The following USP32 variants were observed in gnomAD, a reference collection of about 807,000 sequenced individuals.
USP32 encodes the protein ubiquitin specific peptidase 32.
USP32 carries 59 observed loss-of-function variants against 204.8 expected under a neutral mutation model. The observed-to-expected ratio is 0.29, with a 90% CI of 0.23 to 0.36. The LOEUF is 0.36. Ranked by LOEUF, USP32 falls within the 10% of genes least tolerant of loss-of-function variation. The pLI is 1.00. For missense variants in USP32, 1,160 were observed against 1,946.4 expected (o/e 0.60, Z 7.60); for synonymous variants, 517 against 678.4 (o/e 0.76, Z 3.70).
intron 27 of USP32, among the ~76,000 whole-genome samples, chr17:60,194,882 C>A (rs1192343186): frequency 3.9e-5 from 6 of 152,198 alleles, no homozygotes; most frequent in Non-Finnish European, 8.8e-5. Context: ...GCCTCTTTAC[C>A]CACTGTCCCT....
At chr17:60,271,947 G>A (rs538695388) in intron 5 of USP32, among the ~76,000 whole-genome samples, 10 of 151,866 alleles carry the variant, frequency 6.6e-5, no homozygotes, top group Non-Finnish European at 1.3e-4. Context: ...AAGTAGCTAG[G>A]ACTACATGTG....
At chr17:60,194,389 T>C (rs1182400231) in intron 27 of USP32, among the ~76,000 whole-genome samples, 4 of 152,180 alleles carry the variant, frequency 2.6e-5, no homozygotes, top group Admixed American at 6.5e-5. Flanking sequence ...GGAGGTAAAA[T>C]AGATCTCTTC....
chr17:60,381,053 T>C (rs2089638450), intron 1 of USP32, among the ~76,000 whole-genome samples: 1 of 152,200 alleles, frequency 6.6e-6, no homozygotes, highest in Non-Finnish European at 1.5e-5. Flanking sequence ...GAAAGCACAA[T>C]TTACCAGATT....
intron 2 of USP32, among the ~76,000 whole-genome samples, chr17:60,332,117 G>A: frequency 6.6e-6 from 1 of 151,950 alleles, no homozygotes; most frequent in African/African-American, 2.4e-5. Flanking sequence ...AATTAGCTGG[G>A]CATGGTGGTG....
chr17:60,403,634 T>C (rs932392307), intron 1 of USP32, among the ~76,000 whole-genome samples: 1 of 152,028 alleles, frequency 6.6e-6, no homozygotes, highest in Non-Finnish European at 1.5e-5. Context: ...TTAGTTAGTA[T>C]ACAATGAGTT....
chr17:60,245,347 G>T, intron 11 of USP32: 1 of 381,310 alleles, frequency 2.6e-6, no homozygotes, highest in South Asian at 2.2e-5. Flanking sequence ...CAGCTGGGCT[G>T]CTCTTTCCAC....
chr17:60,399,592 A>G (rs112664641), intron 1 of USP32, among the ~76,000 whole-genome samples: 4,928 of 152,098 alleles, frequency 0.032, 261 homozygotes, highest in African/African-American at 0.11. Context: ...GAGCCCAGGA[A>G]GTGGAGGCTC....
chr17:60,288,801 G>C, intron 4 of USP32, 119 bp from the exon 5 acceptor site: 1 of 800,630 alleles, frequency 1.2e-6, no homozygotes, highest in Non-Finnish European at 1.9e-6. Flanking sequence ...TACAAAGGAA[G>C]GATTATCTAA....
intron 7 of USP32, among the ~76,000 whole-genome samples, chr17:60,266,642 C>A (rs1353529202): frequency 1.3e-5 from 2 of 149,008 alleles, no homozygotes; most frequent in African/African-American, 5.0e-5. Flanking sequence ...GAGCACACCA[C>A]AACACCCAGG....
chr17:60,408,289 A>G (rs1420875007), intron 1 of USP32, among the ~76,000 whole-genome samples: 9 of 152,182 alleles, frequency 5.9e-5, no homozygotes, highest in Non-Finnish European at 1.3e-4. Flanking sequence ...AAACATGAAT[A>G]TAATGAGGAA....
At chr17:60,351,727 T>C (rs1359138350) in intron 1 of USP32, among the ~76,000 whole-genome samples, 1 of 152,230 alleles carries the variant, frequency 6.6e-6, no homozygotes, top group Non-Finnish European at 1.5e-5. Flanking sequence ...CAAGCCCAGC[T>C]GTCAGGCATT....
chr17:60,293,492 C>A (rs1015693775), intron 4 of USP32, among the ~76,000 whole-genome samples: 1 of 152,082 alleles, frequency 6.6e-6, no homozygotes, highest in Non-Finnish European at 1.5e-5. Context: ...AACTTCCAGT[C>A]AATATGTCAG....
chr17:60,332,541 G>A (rs1315466486), intron 2 of USP32, among the ~76,000 whole-genome samples: 2 of 151,928 alleles, frequency 1.3e-5, no homozygotes, highest in Non-Finnish European at 2.9e-5. Context: ...CCAGCTACTC[G>A]GGAAGCTGAA....
intron 1 of USP32, among the ~76,000 whole-genome samples, chr17:60,365,581 T>C (rs1400486128): frequency 6.6e-6 from 1 of 152,146 alleles, no homozygotes; most frequent in Non-Finnish European, 1.5e-5. Context: ...AGAATTATCT[T>C]CCCTGTAAGC....
intron 11 of USP32, among the ~76,000 whole-genome samples, chr17:60,250,404 C>T (rs1168482750): frequency 6.6e-6 from 1 of 151,834 alleles, no homozygotes; most frequent in East Asian, 1.9e-4. Flanking sequence ...ATTATTTCTA[C>T]CTATGCTAAG....
intron 17 of USP32, 139 bp from the exon 18 acceptor site, chr17:60,213,801 T>C: frequency 2.3e-6 from 2 of 880,082 alleles, no homozygotes; most frequent in Non-Finnish European, 3.3e-6. Flanking sequence ...CTACTATAGT[T>C]GTTCATAAAT....
At chr17:60,184,889 T>C (rs987655823) in intron 30 of USP32, among the ~76,000 whole-genome samples, 2 of 151,226 alleles carry the variant, frequency 1.3e-5, no homozygotes, top group Admixed American at 6.6e-5. Context: ...TCTTAATGAA[T>C]AGGAAGATTT....
At chr17:60,263,125 T>G (rs2086494941) in intron 9 of USP32, among the ~76,000 whole-genome samples, 1 of 152,068 alleles carries the variant, frequency 6.6e-6, no homozygotes, top group South Asian at 2.1e-4. Flanking sequence ...CGTTTTTTCT[T>G]TTTTTAGAGA....
chr17:60,231,666 T>A (rs1255882221), intron 12 of USP32: 1 of 475,582 alleles, frequency 2.1e-6, no homozygotes, highest in South Asian at 1.5e-5. Flanking sequence ...ATTTAAAGTA[T>A]CTTCTAGCTC....
Sources: allele counts gnomAD v4.1 joint callset (sites outside exome capture counted in the v4.1 genomes callset), GRCh38; gene constraint gnomAD v4.1.1; transcripts MANE v1.5; gene names NCBI Gene and HGNC (gene_info 2026-07-23, HGNC 2026-07-21).